Variants in B4GALNT3 observed in about 807,000 individuals in gnomAD.
B4GALNT3 encodes beta-1,4-N-acetylgalactosaminyltransferase 3.
A neutral mutation model predicts 120.2 loss-of-function variants in B4GALNT3; 86 were observed. The ratio of observed to expected loss-of-function variants is 0.72; its 90% confidence interval spans 0.60 to 0.86. The LOEUF is 0.86. B4GALNT3 is among the 40% of genes least tolerant of loss of function. The pLI is 0.00. For missense variants in B4GALNT3, 1,167 were observed against 1,298.9 expected (o/e 0.90, Z 1.56); for synonymous variants, 518 against 510.4 (o/e 1.01, Z -0.20).
intron 1 of B4GALNT3, among the ~76,000 whole-genome samples, chr12:519,643 C>T (rs1451762441): frequency 1.4e-5 from 2 of 147,796 alleles, no homozygotes; most frequent in Non-Finnish European, 3.0e-5. Context: ...TCCATCCCAT[C>T]CCAAGCAGTT....
At chr12:513,012 G>GCCTTCCA (rs1345532514) in intron 1 of B4GALNT3, among the ~76,000 whole-genome samples, 1 of 59,018 alleles carries the variant, frequency 1.7e-5, no homozygotes, top group African/African-American at 6.9e-5. Flanking sequence ...TCCACCTTCC[G>GCCTTCCA]CCTTCCACCT....
At chr12:461,187 G>A (rs960262985) in intron 1 of B4GALNT3, among the ~76,000 whole-genome samples, 4 of 149,522 alleles carry the variant, frequency 2.7e-5, no homozygotes, top group Non-Finnish European at 5.9e-5. Context: ...TCTTTCTCCT[G>A]TTCGGGCCGC....
At chr12:531,319 GCCCAC>G (rs1264990890) in intron 1 of B4GALNT3, among the ~76,000 whole-genome samples, 6 of 31,510 alleles carry the variant, frequency 1.9e-4, no homozygotes, top group African/African-American at 4.1e-4. Flanking sequence ...GCCACTGCTG[GCCCAC>G]TGCTGGCCCA....
At chr12:521,219 C>G (rs2120620803) in intron 1 of B4GALNT3, among the ~76,000 whole-genome samples, 1 of 152,278 alleles carries the variant, frequency 6.6e-6, no homozygotes, top group South Asian at 2.1e-4. Context: ...CGTCATCACC[C>G]TCCTGATGTA....
intron 1 of B4GALNT3, among the ~76,000 whole-genome samples, chr12:468,951 C>T (rs1946109493): frequency 6.6e-6 from 1 of 152,212 alleles, no homozygotes; most frequent in Non-Finnish European, 1.5e-5. Flanking sequence ...ATAGAGAAAC[C>T]ACATTCCAGG....
chr12:523,009 A>G lies in B4GALNT3; in HGVS notation c.170-12157A>G, dbSNP rs537516932. On this transcript the variant is annotated intron_variant, in intron 1 of 19. Coordinates refer to ENST00000266383, the MANE Select transcript of B4GALNT3 (RefSeq NM_173593.4). ...ATGTTATAGGTATTTTACTAAATAC[A>G]CACTCCCCCTAAAAATTAAATTTAA... 4.6e-5 allele frequency among the ~76,000 whole-genome samples: 7 copies of G among 152,038 alleles called. No homozygotes were observed. In the South Asian group the frequency reaches 1.0e-3, roughly 23 times the overall value.
intron 1 of B4GALNT3, among the ~76,000 whole-genome samples, chr12:488,086 C>T (rs1375624595): frequency 1.3e-5 from 2 of 151,830 alleles, no homozygotes; most frequent in African/African-American, 2.4e-5. Flanking sequence ...CGTATGTAAT[C>T]CTAGCACTTT....
chr12:471,254 A>G (rs7970529), intron 1 of B4GALNT3, among the ~76,000 whole-genome samples: 12,543 of 151,222 alleles, frequency 0.083, 1,038 homozygotes, highest in African/African-American at 0.22. Context: ...ACGTGGTGGC[A>G]CATGCCTGTA....
At chr12:475,840 T>C (rs1312489026) in intron 1 of B4GALNT3, among the ~76,000 whole-genome samples, 1 of 152,126 alleles carries the variant, frequency 6.6e-6, no homozygotes, top group African/African-American at 2.4e-5. Context: ...GAGTATCTGG[T>C]TAGGACAGTT....
chr12:557,977 C>G (rs768767030), intron 16 of B4GALNT3, 39 bp from the exon 17 acceptor site: 1 of 1,604,364 alleles, frequency 6.2e-7, no homozygotes. Context: ...ACCACCGCAG[C>G]TGAGTCCTGA....
intron 1 of B4GALNT3, among the ~76,000 whole-genome samples, chr12:534,816 G>A (rs1007823267): frequency 2.0e-5 from 3 of 152,206 alleles, no homozygotes; most frequent in Admixed American, 6.5e-5. Flanking sequence ...CGCCTGTCAC[G>A]ACCATCTCTC....
intron 3 of B4GALNT3, among the ~76,000 whole-genome samples, chr12:537,432 A>G (rs954465741): frequency 6.6e-6 from 1 of 152,094 alleles, no homozygotes; most frequent in African/African-American, 2.4e-5. Flanking sequence ...TTTAAAATTA[A>G]TTTTTATAGA....
chr12:549,454 T>C (rs1189930335), intron 9 of B4GALNT3, among the ~76,000 whole-genome samples: 1 of 152,246 alleles, frequency 6.6e-6, no homozygotes, highest in Non-Finnish European at 1.5e-5. Context: ...TCTGTAAGCG[T>C]TCAATAAATT....
At chr12:529,225 C>T (rs1313580036) in intron 1 of B4GALNT3, among the ~76,000 whole-genome samples, 1 of 152,220 alleles carries the variant, frequency 6.6e-6, no homozygotes, top group Non-Finnish European at 1.5e-5. Flanking sequence ...CCCACACCCA[C>T]TGCTTCCACT....
intron 1 of B4GALNT3, among the ~76,000 whole-genome samples, chr12:531,164 A>G (rs979025226): frequency 1.3e-5 from 2 of 152,162 alleles, no homozygotes; most frequent in Non-Finnish European, 2.9e-5. Context: ...AGAGGCAAGG[A>G]TACAGGAAGA....
chr12:493,942 T>G (rs1473835443), intron 1 of B4GALNT3, among the ~76,000 whole-genome samples: 2 of 152,148 alleles, frequency 1.3e-5, no homozygotes, highest in African/African-American at 2.4e-5. Context: ...CTCAATGAAG[T>G]TCTCATTTTT....
At chr12:542,469 G>A (rs568672993) in intron 3 of B4GALNT3, among the ~76,000 whole-genome samples, 9 of 152,316 alleles carry the variant, frequency 5.9e-5, no homozygotes, top group South Asian at 4.1e-4. Context: ...TTGCTATCTC[G>A]TGGGCATGGC....
intron 1 of B4GALNT3, among the ~76,000 whole-genome samples, chr12:483,544 A>G (rs1946261878): frequency 6.6e-6 from 1 of 152,164 alleles, no homozygotes; most frequent in Non-Finnish European, 1.5e-5. Flanking sequence ...CAAAAATACA[A>G]AAAATTCACT....
At chr12:463,670 C>T (rs78783790) in intron 1 of B4GALNT3, among the ~76,000 whole-genome samples, 6,031 of 152,256 alleles carry the variant, frequency 0.04, 165 homozygotes, top group Non-Finnish European at 0.057. Context: ...GGGGGCACAG[C>T]TCTCCCAACT....
Sources: gnomAD v4.1 joint callset for allele counts (sites outside exome capture counted in the v4.1 genomes callset) on GRCh38, gnomAD v4.1.1 for gene constraint, MANE v1.5 for transcripts, NCBI Gene and HGNC (gene_info 2026-07-23, HGNC 2026-07-21) for gene names.